The following SLC4A4 variants were observed in gnomAD, a reference collection of about 807,000 sequenced individuals.
SLC4A4 encodes the protein electrogenic sodium bicarbonate cotransporter 1.
SLC4A4 carries 27 observed loss-of-function variants against 111.5 expected under a neutral mutation model. That is an observed-to-expected ratio of 0.24 (90% CI 0.18 to 0.33). The LOEUF (loss-of-function observed/expected upper bound fraction) is 0.33, where lower values mean the gene tolerates loss of function less well. Among genes scored for constraint, SLC4A4 ranks in the 10% least tolerant of loss-of-function variants. The pLI, the probability that SLC4A4 is intolerant of heterozygous loss-of-function variation, is 1.00. For synonymous variants in SLC4A4, 443 were observed against 463.4 expected, an observed-to-expected ratio of 0.96 and a Z score of 0.57; for missense variants, 909 against 1,315.5, an observed-to-expected ratio of 0.69 and a Z score of 4.78.
intron 2 of SLC4A4, among the ~76,000 whole-genome samples, chr4:71,245,485 G>A (rs530507767): frequency 4.6e-4 from 70 of 152,230 alleles, no homozygotes; most frequent in Admixed American, 1.8e-3. Flanking sequence ...TTGATGGGTG[G>A]ATGTATGGAT....
At chr4:71,516,080 CTTTTTTTTTTTTTT>C (rs60338885) in intron 16 of SLC4A4, among the ~76,000 whole-genome samples, 6 of 30,614 alleles carry the variant, frequency 2.0e-4, no homozygotes, top group South Asian at 1.8e-3. Flanking sequence ...TGGGGGATTT[CTTTTTTTTTTTTTT>C]TTTTTTTTTT....
At chr4:71,446,243 G>A (rs1725217785) in intron 8 of SLC4A4, among the ~76,000 whole-genome samples, 2 of 152,058 alleles carry the variant, frequency 1.3e-5, no homozygotes, top group Admixed American at 6.6e-5. Context: ...ATTTTTTAAA[G>A]TATTTGCTGT....
intron 3 of SLC4A4, among the ~76,000 whole-genome samples, chr4:71,284,407 T>A (rs1723748794): frequency 6.6e-6 from 1 of 152,208 alleles, no homozygotes; most frequent in South Asian, 2.1e-4. Context: ...GATGGTTTTA[T>A]TTGCTAAAAT....
chr4:71,249,772 T>C (rs1229016497), intron 2 of SLC4A4, among the ~76,000 whole-genome samples: 5 of 151,844 alleles, frequency 3.3e-5, no homozygotes, highest in African/African-American at 4.8e-5. Context: ...ATGCCTGTGA[T>C]ACTCAGGAGG....
At chr4:71,547,462 G>T (rs1407512732) in intron 19 of SLC4A4, among the ~76,000 whole-genome samples, 186 bp from the exon 20 acceptor site, 3 of 151,966 alleles carry the variant, frequency 2.0e-5, no homozygotes. Flanking sequence ...GTCACTTTAA[G>T]AGATTTTTTT....
intron 4 of SLC4A4, among the ~76,000 whole-genome samples, chr4:71,340,901 C>T (rs1728856428): frequency 6.6e-6 from 1 of 152,058 alleles, no homozygotes; most frequent in African/African-American, 2.4e-5. Context: ...AAGCATTACA[C>T]AAATACCTGG....
At chr4:71,077,194 T>A (rs1225712706) in intron 1 of SLC4A4, among the ~76,000 whole-genome samples, 1 of 151,102 alleles carries the variant, frequency 6.6e-6, no homozygotes, top group Non-Finnish European at 1.5e-5. Context: ...GGAGTCTCGC[T>A]CTGTCACCCA....
rs1737913021 is a variant in SLC4A4, at chr4:71,571,180, C to A, written c.*3429C>A. 1 of 152,152 alleles carries A rather than the reference C, an allele frequency of 6.6e-6. No individual in the cohort carries two copies. Among genetic ancestry groups the A allele is most frequent in the Admixed American group, 6.6e-5 (1 of 15,166 alleles). The allele number at this position is 152,152 out of a possible 1,614,324, so 9.4% of individuals were successfully genotyped here. A position where few individuals can be genotyped will look rare whatever the true frequency, so the allele number is the denominator to read the frequency against. On this transcript the variant is annotated 3_prime_UTR_variant, in exon 26 of 26. Transcript: ENST00000264485. ...GTACTTGAAATGTATTGACTGCTGA[C>A]TATATTTTAAAAACAAAATGAAATA...
At chr4:71,566,562 T>C (rs1193918435) in intron 24 of SLC4A4, among the ~76,000 whole-genome samples, 1 of 151,822 alleles carries the variant, frequency 6.6e-6, no homozygotes, top group Non-Finnish European at 1.5e-5. Flanking sequence ...CCTAATGTCA[T>C]GTTTATCTTT....
chr4:71,245,380 A>G (rs1391954250), intron 2 of SLC4A4, among the ~76,000 whole-genome samples: 6 of 152,176 alleles, frequency 3.9e-5, no homozygotes, highest in Admixed American at 3.9e-4. Flanking sequence ...GAGGGCAAAG[A>G]CAGAAGTGTG....
intron 7 of SLC4A4, among the ~76,000 whole-genome samples, chr4:71,400,876 T>A (rs548681294): frequency 6.6e-6 from 1 of 152,194 alleles, no homozygotes; most frequent in South Asian, 2.1e-4. Context: ...AAAAAAAAGG[T>A]TTCCAGGCTT....
chr4:71,393,873 A>G lies in SLC4A4; in HGVS notation c.731-3704A>G, dbSNP rs566997411. ...AAATAAACCCAAATACTTACAACCA[A>G]CTGATCTCCAACAAAGCAAACAAAA... On this transcript the variant is annotated intron_variant, in intron 6 of 25. Coordinates refer to ENST00000264485, the MANE Select transcript of SLC4A4 (RefSeq NM_001098484.3). 2.5e-4 allele frequency among the ~76,000 whole-genome samples: 38 copies of G among 152,158 alleles called. 1 individual carries two copies. The South Asian group carries it at 7.9e-3, about 32-fold the overall frequency.
chr4:71,256,208 CAG>C (rs1721440470), intron 3 of SLC4A4, among the ~76,000 whole-genome samples: 1 of 152,142 alleles, frequency 6.6e-6, no homozygotes, highest in Non-Finnish European at 1.5e-5. Context: ...TTCATGTTGG[CAG>C]AGCTCTGTAC....
intron 14 of SLC4A4, chr4:71,473,311 T>C: frequency 1.7e-6 from 1 of 575,570 alleles, no homozygotes; most frequent in Non-Finnish European, 3.1e-6. Flanking sequence ...TATAAATATG[T>C]GACAAACCTA....
chr4:71,340,491 C>A (rs1263167569), intron 4 of SLC4A4, among the ~76,000 whole-genome samples: 1 of 152,044 alleles, frequency 6.6e-6, no homozygotes, highest in Non-Finnish European at 1.5e-5. Flanking sequence ...GTTTTATATA[C>A]AGGAAAAAAA....
intron 16 of SLC4A4, among the ~76,000 whole-genome samples, chr4:71,517,201 T>G (rs1215946963): frequency 6.6e-6 from 1 of 152,098 alleles, no homozygotes; most frequent in African/African-American, 2.4e-5. Flanking sequence ...TGTCTCTCTC[T>G]TTTTCTTCTT....
intron 2 of SLC4A4, among the ~76,000 whole-genome samples, chr4:71,102,311 TG>T (rs1386227347): frequency 6.7e-6 from 1 of 149,820 alleles, no homozygotes; most frequent in African/African-American, 2.5e-5. Context: ...TACCTGAAAG[TG>T]ATGGGGAGAA....
At chr4:71,335,204 C>T (rs1728336848) in intron 3 of SLC4A4, among the ~76,000 whole-genome samples, 1 of 152,102 alleles carries the variant, frequency 6.6e-6, no homozygotes, top group Non-Finnish European at 1.5e-5. Context: ...CACATGTACG[C>T]CTATATCTAA....
intron 3 of SLC4A4, among the ~76,000 whole-genome samples, chr4:71,280,949 C>T (rs905026856): frequency 6.6e-6 from 1 of 151,984 alleles, no homozygotes; most frequent in African/African-American, 2.4e-5. Context: ...TATTATGTTG[C>T]CCACTTTTTT....
Sources: allele counts gnomAD v4.1 joint callset (sites outside exome capture counted in the v4.1 genomes callset), GRCh38; gene constraint gnomAD v4.1.1; transcripts MANE v1.5; gene names NCBI Gene and HGNC (gene_info 2026-07-23, HGNC 2026-07-21).